RBMS3: variants seen among roughly 807,000 people sequenced by gnomAD.
The protein encoded by RBMS3 is RNA binding motif single stranded interacting protein 3.
Under a neutral mutation model 66.8 loss-of-function variants are expected in RBMS3, and 27 were observed. That is an observed-to-expected ratio of 0.40 (90% CI 0.30 to 0.56). The LOEUF is 0.56. RBMS3 is among the 20% of genes least tolerant of loss of function. The pLI, the probability that RBMS3 is intolerant of heterozygous loss-of-function variation, is 0.40. For synonymous variants in RBMS3, 188 were observed against 183.0 expected (o/e 1.03, Z -0.22); for missense variants, 513 against 549.5 (o/e 0.93, Z 0.66).
intron 6 of RBMS3, among the ~76,000 whole-genome samples, chr3:29,779,050 G>T (rs2056526225): frequency 6.6e-6 from 1 of 151,726 alleles, no homozygotes; most frequent in Non-Finnish European, 1.5e-5. Flanking sequence ...TCTGGTCAAA[G>T]ATTCCTCCTT....
At chr3:29,745,703 G>A (rs561933944) in intron 5 of RBMS3, among the ~76,000 whole-genome samples, 9 of 152,236 alleles carry the variant, frequency 5.9e-5, no homozygotes, top group South Asian at 2.1e-4. Flanking sequence ...GCTAAAGAGC[G>A]TGAGAGACCA....
intron 1 of RBMS3, among the ~76,000 whole-genome samples, chr3:29,318,124 T>C (rs1333244001): frequency 6.6e-6 from 1 of 151,942 alleles, no homozygotes; most frequent in Non-Finnish European, 1.5e-5. Context: ...TGTTTCTTTT[T>C]CTGTTCATAT....
At chr3:29,922,520 AAGAT>A (rs1389775180) in intron 10 of RBMS3, among the ~76,000 whole-genome samples, 23 of 151,546 alleles carry the variant, frequency 1.5e-4, no homozygotes, top group African/African-American at 3.4e-4. Context: ...AAAAAGAAAA[AAGAT>A]AGAAACTCAG....
intron 12 of RBMS3, among the ~76,000 whole-genome samples, chr3:29,965,549 TC>T (rs1577267162): frequency 6.6e-6 from 1 of 152,188 alleles, no homozygotes; most frequent in Non-Finnish European, 1.5e-5. Context: ...TCTATTCACG[TC>T]CTTGGCCCAC....
At chr3:29,611,330 C>T (rs1295975122) in intron 4 of RBMS3, among the ~76,000 whole-genome samples, 3 of 151,904 alleles carry the variant, frequency 2.0e-5, no homozygotes, top group Non-Finnish European at 4.4e-5. Context: ...TGGTAAAACA[C>T]GTTGGTGCCT....
chr3:29,550,555 T>A (rs954030751), intron 3 of RBMS3, among the ~76,000 whole-genome samples: 1 of 152,142 alleles, frequency 6.6e-6, no homozygotes. Flanking sequence ...ATAATATTTA[T>A]AATGTAACAT....
At chr3:29,689,175 G>A (rs929858237) in intron 4 of RBMS3, among the ~76,000 whole-genome samples, 1 of 151,808 alleles carries the variant, frequency 6.6e-6, no homozygotes, top group Admixed American at 6.6e-5. Flanking sequence ...TTTCATCAAA[G>A]TAATTTTTTT....
At chr3:29,701,882 C>T (rs968226169) in intron 4 of RBMS3, among the ~76,000 whole-genome samples, 14 of 127,392 alleles carry the variant, frequency 1.1e-4, no homozygotes, top group East Asian at 3.9e-4. Context: ...TGCTCCACGG[C>T]GCCGCCCGGT....
intron 1 of RBMS3, among the ~76,000 whole-genome samples, chr3:29,406,791 C>G (rs971987921): frequency 1.1e-4 from 16 of 152,022 alleles, no homozygotes; most frequent in African/African-American, 3.9e-4. Context: ...TTTTTGTTGA[C>G]TACTTTCAGT....
chr3:29,972,081 G>A (rs1697266136), intron 12 of RBMS3, among the ~76,000 whole-genome samples: 1 of 152,054 alleles, frequency 6.6e-6, no homozygotes, highest in African/African-American at 2.4e-5. Context: ...CTTCTTCATT[G>A]CTTGACGGTT....
At chr3:29,978,154 T>C (rs2149775884) in intron 12 of RBMS3, among the ~76,000 whole-genome samples, 1 of 152,296 alleles carries the variant, frequency 6.6e-6, no homozygotes, top group Middle Eastern at 3.4e-3. Context: ...AACTATGTGC[T>C]TGCAGAGAAA....
At chr3:29,725,846 C>T (rs1032415164) in intron 4 of RBMS3, among the ~76,000 whole-genome samples, 1 of 152,158 alleles carries the variant, frequency 6.6e-6, no homozygotes, top group Non-Finnish European at 1.5e-5. Context: ...GGAATCCTCC[C>T]TAACTCACCC....
Position 29,830,016 on chromosome 3 carries a change from G to A in RBMS3, c.638-38842G>A, listed in dbSNP as rs9810157. On this transcript the variant is annotated intron_variant, in intron 6 of 14. Transcript: ENST00000383767. ...ATTGCCTTATTTTGGAGCTGTTTGC[G>A]AAAGTCTTGTTATTTCAGTTAAAGA... Among the ~76,000 whole-genome samples, 326 of 152,106 alleles carry A rather than the reference G, an allele frequency of 2.1e-3. 3 individuals carry two copies. The highest frequency in any genetic ancestry group is 7.4e-3 in the African/African-American group (309 of 41,504).
At chr3:29,715,312 A>G (rs1372686901) in intron 4 of RBMS3, among the ~76,000 whole-genome samples, 1 of 152,162 alleles carries the variant, frequency 6.6e-6, no homozygotes, top group Non-Finnish European at 1.5e-5. Flanking sequence ...TTGGTATAAT[A>G]TGCTTCATTC....
intron 4 of RBMS3, among the ~76,000 whole-genome samples, chr3:29,713,552 T>G (rs1225241104): frequency 1.3e-5 from 2 of 152,162 alleles, no homozygotes; most frequent in Non-Finnish European, 2.9e-5. Context: ...AGCAATAATA[T>G]ATTTATACAT....
intron 4 of RBMS3, among the ~76,000 whole-genome samples, chr3:29,685,331 C>G (rs922645349): frequency 6.6e-5 from 10 of 152,166 alleles, no homozygotes; most frequent in South Asian, 2.1e-4. Context: ...AAAGTGCTGG[C>G]ATTACAGGCG....
intron 6 of RBMS3, among the ~76,000 whole-genome samples, chr3:29,853,925 G>A (rs1440680401): frequency 1.3e-5 from 2 of 152,176 alleles, no homozygotes; most frequent in Non-Finnish European, 2.9e-5. Context: ...GCCCAGGGCA[G>A]AAGCATTCTG....
chr3:29,404,732 T>C (rs990410854), intron 1 of RBMS3, among the ~76,000 whole-genome samples: 8 of 152,112 alleles, frequency 5.3e-5, no homozygotes, highest in African/African-American at 1.9e-4. Flanking sequence ...ATTTGCCTTA[T>C]TAACAGAGAT....
chr3:29,735,197 T>G (rs890007163), intron 4 of RBMS3, among the ~76,000 whole-genome samples: 1 of 152,144 alleles, frequency 6.6e-6, no homozygotes, highest in African/African-American at 2.4e-5. Flanking sequence ...CCTTGAAAGG[T>G]TCTGAAGTTC....
Sources: allele counts gnomAD v4.1 joint callset (sites outside exome capture counted in the v4.1 genomes callset), GRCh38; gene constraint gnomAD v4.1.1; transcripts MANE v1.5; gene names NCBI Gene and HGNC (gene_info 2026-07-23, HGNC 2026-07-21).